GSE1: variants seen among roughly 807,000 people sequenced by gnomAD.
GSE1 encodes the protein Gse1 coiled-coil protein.
Under a neutral mutation model 112.6 loss-of-function variants are expected in GSE1, and 32 were observed. That is an observed-to-expected ratio of 0.28 (90% CI 0.21 to 0.38). The LOEUF is 0.38. Ranked by LOEUF, GSE1 falls within the 10% of genes least tolerant of loss-of-function variation. The probability of loss-of-function intolerance (pLI) is 1.00; values close to 1 mark genes in which losing one functional copy is unlikely to be tolerated. For missense variants in GSE1, 2,348 were observed against 1,699.2 expected, an observed-to-expected ratio of 1.38 and a Z score of -6.71; for synonymous variants, 1,115 against 735.6, an observed-to-expected ratio of 1.52 and a Z score of -8.35.
Position 85,279,417 on chromosome 16 carries a change from G to A in GSE1, c.2284-78046G>A, listed in dbSNP as rs527414075. Among the ~76,000 whole-genome samples the A allele has an allele frequency of 5.5e-4, 84 of 152,250 alleles. 1 individual carries two copies. In the South Asian group the frequency reaches 8.5e-3, roughly 15 times the overall value. ...AGCCCAGGAGTCTGAGACCAGTCTGGGCATTATAGCAAGACCCTGTCTCTA... is the reference window on the plus strand; with the variant it reads ...AGCCCAGGAGTCTGAGACCAGTCTGAGCATTATAGCAAGACCCTGTCTCTA... On this transcript the variant is annotated intron_variant, in intron 1 of 2. Transcript: ENST00000637419.
At chr16:85,579,705 C>A (rs958536181) in intron 1 of GSE1, among the ~76,000 whole-genome samples, 1 of 152,194 alleles carries the variant, frequency 6.6e-6, no homozygotes, top group Non-Finnish European at 1.5e-5. Context: ...ATCTCAGATC[C>A]CAGTCCCGGG....
chr16:85,203,958 A>T (rs2075073022), intron 1 of GSE1, among the ~76,000 whole-genome samples: 2 of 151,982 alleles, frequency 1.3e-5, no homozygotes, highest in South Asian at 4.2e-4. Flanking sequence ...TTTTGTAGAG[A>T]CGAGGTCTCA....
At chr16:85,277,358 A>G (rs1909470462) in intron 1 of GSE1, among the ~76,000 whole-genome samples, 1 of 152,056 alleles carries the variant, frequency 6.6e-6, no homozygotes. Flanking sequence ...GAAGGAGAGA[A>G]TGGGGTTCCA....
intron 2 of GSE1, among the ~76,000 whole-genome samples, chr16:85,485,582 A>G (rs1365368767): frequency 1.3e-5 from 2 of 152,252 alleles, no homozygotes; most frequent in Non-Finnish European, 2.9e-5. Context: ...CGTTAAGGAC[A>G]GATGGATTAC....
At chr16:85,276,809 C>T (rs1181136675) in intron 1 of GSE1, among the ~76,000 whole-genome samples, 1 of 152,188 alleles carries the variant, frequency 6.6e-6, no homozygotes, top group Non-Finnish European at 1.5e-5. Context: ...CTCGGCCCCA[C>T]CCAGGCCCCC....
intron 2 of GSE1, among the ~76,000 whole-genome samples, chr16:85,376,182 G>C (rs1434379462): frequency 3.3e-5 from 5 of 152,072 alleles, no homozygotes; most frequent in African/African-American, 1.2e-4. Context: ...CCGCTGTTCT[G>C]CCTCCCCTGG....
intron 2 of GSE1, among the ~76,000 whole-genome samples, chr16:85,520,251 G>T (rs751042564): frequency 6.6e-6 from 1 of 151,892 alleles, no homozygotes; most frequent in Non-Finnish European, 1.5e-5. Flanking sequence ...ATCCCATCGT[G>T]AGGGCCGCGC....
chr16:85,285,362 A>AAAGTG (rs1304161243), intron 1 of GSE1: 1 of 152,180 alleles, frequency 6.6e-6, no homozygotes, highest in Non-Finnish European at 1.5e-5. Flanking sequence ...CACCAGCAGC[A>AAAGTG]GGGTTACCTC....
chr16:85,509,037 G>A (rs946928921), intron 2 of GSE1, among the ~76,000 whole-genome samples: 7 of 152,218 alleles, frequency 4.6e-5, no homozygotes, highest in Non-Finnish European at 1.0e-4. Flanking sequence ...AGAGGGACTT[G>A]AACCAGGACC....
intron 1 of GSE1, among the ~76,000 whole-genome samples, chr16:85,625,894 C>T (rs936522238): frequency 3.3e-5 from 5 of 152,118 alleles, no homozygotes; most frequent in Admixed American, 1.3e-4. Flanking sequence ...CAGGTCTACA[C>T]GGGCCAGGCG....
At chr16:85,590,653 G>C (rs2046964910) in intron 1 of GSE1, among the ~76,000 whole-genome samples, 1 of 152,128 alleles carries the variant, frequency 6.6e-6, no homozygotes, top group African/African-American at 2.4e-5. Context: ...GAGCGTGTGT[G>C]ATTGAGCATG....
At chr16:85,601,121 G>T (rs2047445906) in intron 1 of GSE1, among the ~76,000 whole-genome samples, 1 of 152,018 alleles carries the variant, frequency 6.6e-6, no homozygotes. Context: ...GCTGGGGGAG[G>T]ATACAGCAGG....
Position 85,672,465 on chromosome 16 carries a change from G to C in GSE1, c.3580G>C (p.Asp1194His). 6.2e-7 allele frequency: 1 copy of C among 1,610,648 alleles called. No homozygotes were observed. The highest frequency in any genetic ancestry group is 8.5e-7 in the Non-Finnish European group (1 of 1,177,210). The change falls in exon 16 of 16, where the codon GAC becomes CAC. Residue 1194 changes from aspartate (D) to histidine (H), a missense_variant. Physicochemically the swap from Asp to His is moderately conservative, Grantham distance 81. Coordinates refer to ENST00000253458, the MANE Select transcript of GSE1 (RefSeq NM_014615.5). ...AAGGGAGCGGCTCCAGGCAGAACTG[G>C]ACCACTTACGAAAGTGCCTTGCCTT... is the stretch of plus-strand genomic sequence containing the variant. ...SERERLQAEL[D>H]HLRKCLALPA...
At chr16:85,603,185 G>T (rs550190439) in intron 1 of GSE1, among the ~76,000 whole-genome samples, 1 of 152,380 alleles carries the variant, frequency 6.6e-6, no homozygotes, top group East Asian at 1.9e-4. Context: ...AAATAGGTCT[G>T]CAGCTTTGAG....
chr16:85,359,542 T>G (rs1424731776), intron 2 of GSE1: 1 of 384,064 alleles, frequency 2.6e-6, no homozygotes, highest in Non-Finnish European at 5.3e-6. Flanking sequence ...TAGGTGTTGG[T>G]AGAGGTTTCG....
intron 1 of GSE1, among the ~76,000 whole-genome samples, chr16:85,336,815 ACT>A (rs2046497420): frequency 6.6e-6 from 1 of 152,146 alleles, no homozygotes; most frequent in South Asian, 2.1e-4. Context: ...CACACAAGGC[ACT>A]CATATGTATA....
At chr16:85,283,203 T>G (rs1167849327) in intron 1 of GSE1, 2 of 152,880 alleles carry the variant, frequency 1.3e-5, no homozygotes, top group Non-Finnish European at 1.5e-5. Context: ...GCCTCTGCCA[T>G]TGGGCCCGGC....
intron 2 of GSE1, among the ~76,000 whole-genome samples, chr16:85,463,508 C>A (rs1224410884): frequency 3.9e-5 from 6 of 152,164 alleles, no homozygotes; most frequent in African/African-American, 1.4e-4. Flanking sequence ...TGGGTCCAAC[C>A]CTGGCAGGGC....
rs1369180864 is a variant in GSE1, at chr16:85,671,036, C to G, written c.3457C>G (p.Arg1153Gly). 3.1e-6 allele frequency: 5 copies of G among 1,612,602 alleles called. No homozygotes were observed. Among genetic ancestry groups the G allele is most frequent in the Non-Finnish European group, 4.2e-6 (5 of 1,178,726 alleles). ...ERQVLQTQCRRLEARHYSLSL... is the reference protein window; with the variant it reads ...ERQVLQTQCRGLEARHYSLSL... ...GCAGGTGTTACAGACACAATGTAGACGACTGGAGGCCCGGCACTACAGCCT... is the reference window on the plus strand; with the variant it reads ...GCAGGTGTTACAGACACAATGTAGAGGACTGGAGGCCCGGCACTACAGCCT... The change falls in exon 15 of 16, where the codon CGA becomes GGA. Residue 1153 changes from arginine to glycine, a missense_variant. Transcript: ENST00000253458.
Sources: allele counts gnomAD v4.1 joint callset (sites outside exome capture counted in the v4.1 genomes callset), GRCh38; gene constraint gnomAD v4.1.1; transcripts MANE v1.5; gene names NCBI Gene and HGNC (gene_info 2026-07-23, HGNC 2026-07-21).